The following KIAA1328 variants were observed in gnomAD, a reference collection of about 807,000 sequenced individuals.
The protein encoded by KIAA1328 is protein hinderin.
Under a neutral mutation model 68.1 loss-of-function variants are expected in KIAA1328, and 52 were observed. The observed-to-expected ratio is 0.76, with a 90% confidence interval of 0.61 to 0.96. The LOEUF is 0.96. Ranked by LOEUF, KIAA1328 falls within the 40% of genes least tolerant of loss-of-function variation. The pLI is 0.00. For missense variants in KIAA1328, 641 were observed against 677.6 expected (o/e 0.95, Z 0.60); for synonymous variants, 232 against 239.4 (o/e 0.97, Z 0.28).
chr18:37,059,487 A>T (rs1349195662), intron 6 of KIAA1328, among the ~76,000 whole-genome samples: 1 of 152,244 alleles, frequency 6.6e-6, no homozygotes, highest in Non-Finnish European at 1.5e-5. Flanking sequence ...AACCACAATG[A>T]GATACCATCT....
rs539407738 is a variant in KIAA1328 at position 37,076,628 on chromosome 18, G to A, written c.1232+9083G>A. Among the ~76,000 whole-genome samples the A allele has an allele frequency of 3.0e-3, 452 of 151,008 alleles. 11 individuals are homozygous for A. Among genetic ancestry groups the A allele is most frequent in the Non-Finnish European group, 5.2e-3 (351 of 67,478 alleles). On this transcript the variant is annotated intron_variant, in intron 7 of 9. Transcript: ENST00000280020. Reference sequence around the variant, plus strand: ...GAAAAGAGAGAAGAATCAAATAGATGCAATAAAAAATGATCAAGGGGATAT... The same window carrying A: ...GAAAAGAGAGAAGAATCAAATAGATACAATAAAAAATGATCAAGGGGATAT...
intron 9 of KIAA1328, among the ~76,000 whole-genome samples, chr18:37,191,560 ACT>A (rs2059904702): frequency 6.6e-6 from 1 of 152,128 alleles, no homozygotes; most frequent in Non-Finnish European, 1.5e-5. Context: ...CAGCTGCTTC[ACT>A]CACAGTCTTC....
intron 4 of KIAA1328, among the ~76,000 whole-genome samples, chr18:36,868,059 A>C (rs1181336895): frequency 6.6e-6 from 1 of 152,226 alleles, no homozygotes; most frequent in Admixed American, 6.5e-5. Flanking sequence ...TAATCTGTAT[A>C]TGCTCAGGAA....
At chr18:36,887,293 C>CTCCA (rs1475897427) in intron 5 of KIAA1328, among the ~76,000 whole-genome samples, 1 of 152,086 alleles carries the variant, frequency 6.6e-6, no homozygotes, top group Non-Finnish European at 1.5e-5. Context: ...AGGAGTAGTA[C>CTCCA]TCCAGGTCCT....
intron 1 of KIAA1328, among the ~76,000 whole-genome samples, chr18:36,829,600 C>A (rs1600883452): frequency 6.6e-6 from 1 of 152,220 alleles, no homozygotes; most frequent in South Asian, 2.1e-4. Flanking sequence ...GGACAGGGAG[C>A]CTTTTTGTTT....
At chr18:37,202,751 T>G (rs1187252333) in intron 9 of KIAA1328, among the ~76,000 whole-genome samples, 1 of 152,156 alleles carries the variant, frequency 6.6e-6, no homozygotes, top group Admixed American at 6.5e-5. Context: ...AATAACATAT[T>G]TATATAAATA....
At chr18:37,063,341 T>G (rs537511677) in intron 6 of KIAA1328, among the ~76,000 whole-genome samples, 4 of 152,098 alleles carry the variant, frequency 2.6e-5, no homozygotes, top group Non-Finnish European at 5.9e-5. Context: ...GGGTGGGGGA[T>G]GAGGGAGCAG....
chr18:37,198,184 A>C (rs2060039157), intron 9 of KIAA1328, among the ~76,000 whole-genome samples: 2 of 152,150 alleles, frequency 1.3e-5, no homozygotes, highest in South Asian at 2.1e-4. Context: ...GAGGGGCTTG[A>C]GAGTAAGGAG....
chr18:37,179,928 A>T (rs1285025358), intron 9 of KIAA1328, among the ~76,000 whole-genome samples: 1 of 151,966 alleles, frequency 6.6e-6, no homozygotes, highest in African/African-American at 2.4e-5. Flanking sequence ...TTCCCATATC[A>T]CACTGCCAGT....
chr18:37,113,647 C>A (rs2058010959), intron 7 of KIAA1328, among the ~76,000 whole-genome samples: 1 of 152,158 alleles, frequency 6.6e-6, no homozygotes, highest in African/African-American at 2.4e-5. Context: ...GGATCGAATT[C>A]ACACATAACA....
intron 8 of KIAA1328, among the ~76,000 whole-genome samples, chr18:37,165,168 C>T (rs141436106): frequency 7.8e-4 from 119 of 152,194 alleles, no homozygotes; most frequent in African/African-American, 2.5e-3. Context: ...CTCCAAATAT[C>T]GTCATATTCT....
chr18:37,169,468 A>G (rs1006654402), intron 8 of KIAA1328, among the ~76,000 whole-genome samples: 11 of 151,870 alleles, frequency 7.2e-5, no homozygotes, highest in Admixed American at 5.9e-4. Flanking sequence ...CTCTGCCAGC[A>G]TTTTTATTTA....
intron 7 of KIAA1328, among the ~76,000 whole-genome samples, chr18:37,076,036 T>C (rs1316961148): frequency 6.6e-6 from 1 of 151,968 alleles, no homozygotes; most frequent in East Asian, 1.9e-4. Flanking sequence ...ATACATTTTT[T>C]TCAGCACCAC....
intron 6 of KIAA1328, among the ~76,000 whole-genome samples, chr18:37,041,471 T>G (rs1172628282): frequency 1.3e-5 from 2 of 152,110 alleles, no homozygotes; most frequent in East Asian, 3.8e-4. Flanking sequence ...TGGACCTTCT[T>G]ATTTTATCTA....
intron 7 of KIAA1328, among the ~76,000 whole-genome samples, chr18:37,092,101 C>T (rs2151835281): frequency 6.6e-6 from 1 of 152,258 alleles, no homozygotes; most frequent in South Asian, 2.1e-4. Flanking sequence ...CCTGTCACAG[C>T]TGTTGCCAAC....
At chr18:36,933,836 A>G (rs1332023237) in intron 5 of KIAA1328, among the ~76,000 whole-genome samples, 1 of 152,232 alleles carries the variant, frequency 6.6e-6, no homozygotes, top group Non-Finnish European at 1.5e-5. Flanking sequence ...AGCCTACAGA[A>G]CAGATGAACC....
At chr18:36,953,804 G>T (rs972677102) in intron 5 of KIAA1328, among the ~76,000 whole-genome samples, 1 of 151,906 alleles carries the variant, frequency 6.6e-6, no homozygotes, top group African/African-American at 2.4e-5. Flanking sequence ...TCCCAATAAT[G>T]TCTTTTCTAT....
intron 3 of KIAA1328, among the ~76,000 whole-genome samples, chr18:36,841,302 T>C (rs1167298786): frequency 1.3e-5 from 2 of 151,862 alleles, no homozygotes; most frequent in Admixed American, 6.6e-5. Flanking sequence ...GGAAGTAATA[T>C]GCACATGTAG....
At position 37,222,042 on chromosome 18, in the gene KIAA1328, G is replaced by A. The variant is rs1209770759; in HGVS notation, c.1549G>A (p.Val517Ile). ...SRYETSLLDL[V>I]QSLSPNSAPK... Reference sequence around the variant, plus strand: ...GTATGAGACATCTTTGTTGGATTTGGTTCAGTCTCTGAGCCCAAACTCTGC... The same window carrying A: ...GTATGAGACATCTTTGTTGGATTTGATTCAGTCTCTGAGCCCAAACTCTGC... The change falls in exon 10 of 10, where the codon GTT becomes ATT. Residue 517 changes from valine to isoleucine, a missense_variant. By Grantham distance (29) the Val-to-Ile change is conservative (BLOSUM62 3). Coordinates refer to ENST00000280020, the MANE Select transcript of KIAA1328 (RefSeq NM_020776.3). 2 of 1,613,522 alleles carry A rather than the reference G, an allele frequency of 1.2e-6. No individual in the cohort carries two copies. Among genetic ancestry groups the A allele is most frequent in the Non-Finnish European group, 1.7e-6 (2 of 1,179,688 alleles).
Sources: allele counts gnomAD v4.1 joint callset (sites outside exome capture counted in the v4.1 genomes callset), GRCh38; gene constraint gnomAD v4.1.1; transcripts MANE v1.5; gene names NCBI Gene and HGNC (gene_info 2026-07-23, HGNC 2026-07-21).